Variants in TMEM117 observed in about 807,000 individuals in gnomAD.
TMEM117 encodes transmembrane protein 117.
A neutral mutation model predicts 52.4 loss-of-function variants in TMEM117; 27 were observed. The observed-to-expected ratio is 0.51, with a 90% CI of 0.38 to 0.71. The LOEUF (loss-of-function observed/expected upper bound fraction) is 0.71. Ranked by LOEUF, TMEM117 falls within the 30% of genes least tolerant of loss-of-function variation. TMEM117 has a pLI of 0.00. For missense variants in TMEM117, 556 were observed against 630.5 expected (o/e 0.88, Z 1.26); for synonymous variants, 215 against 206.3 (o/e 1.04, Z -0.36).
At position 44,362,741 on chromosome 12, in the gene TMEM117, G is replaced by T. The variant is rs144009195; in HGVS notation, c.769-13854G>T. ...AAGAGAAGTGACAAGGACTAAACCA[G>T]AAGAGCAATCTGAAGACTTTATCTC... On this transcript the variant is annotated intron_variant, in intron 6 of 7. Transcript: ENST00000266534. Among the ~76,000 whole-genome samples, 11 of 152,062 alleles carry T rather than the reference G, an allele frequency of 7.2e-5. No individual in the cohort carries two copies. In the East Asian group the frequency reaches 1.5e-3, roughly 21 times the overall value.
intron 4 of TMEM117, among the ~76,000 whole-genome samples, chr12:44,200,839 A>T (rs888063203): frequency 6.6e-6 from 1 of 152,128 alleles, no homozygotes; most frequent in Non-Finnish European, 1.5e-5. Flanking sequence ...ATGCGGGTAG[A>T]GTGTGCTGGC....
Position 43,844,750 on chromosome 12 carries a change from C to T in TMEM117, c.99C>T (p.Asp33=). 6.2e-7 allele frequency: 1 copy of T among 1,614,108 alleles called. No individual in the cohort carries two copies. The highest frequency in any genetic ancestry group is 8.5e-7 in the Non-Finnish European group (1 of 1,180,030). The change falls in exon 2 of 8, where the codon GAC becomes GAT. Residue 33 remains aspartate, a synonymous_variant. Transcript: ENST00000266534. ...TTAACTTCTTAATATTTGCGGAGGA[C>T]CCAGTTTCTCATAGCCAAACAGAAG... ...IFFNFLIFAE[D]PVSHSQTEAN... is the part of the protein sequence containing the mutation.
intron 3 of TMEM117, among the ~76,000 whole-genome samples, chr12:44,032,553 T>A (rs1245455389): frequency 6.6e-6 from 1 of 152,238 alleles, no homozygotes; most frequent in Non-Finnish European, 1.5e-5. Flanking sequence ...GTCCAATTCA[T>A]GGAAAGCCTT....
chr12:43,834,212 C>G (rs916597819), upstream of TMEM117, among the ~76,000 whole-genome samples: 1 of 152,118 alleles, frequency 6.6e-6, no homozygotes, highest in African/African-American at 2.4e-5. Context: ...AATGGAGATA[C>G]AAGGAAAATA....
At chr12:43,799,432 G>C in the TMEM117 span, 7 of 1,609,798 alleles carry the variant, frequency 4.3e-6, no homozygotes. Flanking sequence ...TTCTTCCTCA[G>C]CTGCAGTCAG....
chr12:44,120,955 G>A (rs1174637143), intron 3 of TMEM117, among the ~76,000 whole-genome samples: 3 of 152,150 alleles, frequency 2.0e-5, no homozygotes, highest in Non-Finnish European at 2.9e-5. Flanking sequence ...CCAAGACTGG[G>A]CAATTTACAA....
intron 2 of TMEM117, among the ~76,000 whole-genome samples, chr12:43,931,985 C>T (rs1045448531): frequency 1.2e-4 from 18 of 152,062 alleles, no homozygotes; most frequent in African/African-American, 4.3e-4. Context: ...TTTAAGTTTG[C>T]TTACTGGTAC....
At chr12:44,297,699 A>G (rs959438560) in intron 5 of TMEM117, among the ~76,000 whole-genome samples, 2 of 152,220 alleles carry the variant, frequency 1.3e-5, no homozygotes, top group African/African-American at 2.4e-5. Context: ...CAAGGTTGCT[A>G]TATTCCTTCT....
intron 3 of TMEM117, among the ~76,000 whole-genome samples, chr12:44,050,272 G>A (rs1946949245): frequency 6.6e-6 from 1 of 152,262 alleles, no homozygotes; most frequent in South Asian, 2.1e-4. Context: ...TGCCTCCTGG[G>A]CTTAAGTGAT....
In TMEM117 at chr12:44,164,340, T is replaced by C. The variant is rs138553136; in HGVS notation, c.510+20716T>C. On this transcript the variant is annotated intron_variant, in intron 4 of 7. Coordinates refer to ENST00000266534, the MANE Select transcript of TMEM117 (RefSeq NM_032256.3). ...AGTGTACACTGTACCCAATATGTAG[T>C]CTTTTATCCATCACCACCATCCCAC... Among the ~76,000 whole-genome samples the C allele has an allele frequency of 2.9e-3, 447 of 152,230 alleles. 5 individuals carry two copies. The highest frequency in any genetic ancestry group is 0.023 in the Admixed American group (351 of 15,266).
At chr12:43,918,092 C>G (rs1185755362) in intron 2 of TMEM117, among the ~76,000 whole-genome samples, 6 of 152,186 alleles carry the variant, frequency 3.9e-5, no homozygotes, top group Non-Finnish European at 8.8e-5. Flanking sequence ...TGGAACATAA[C>G]TGTCAGACAC....
intron 4 of TMEM117, among the ~76,000 whole-genome samples, chr12:44,205,743 TAAAAAGAAAAAAAATGACAGATGCCAGC>T (rs1949556667): frequency 6.6e-6 from 1 of 152,084 alleles, no homozygotes; most frequent in Non-Finnish European, 1.5e-5. Flanking sequence ...GAATGGCTAT[TAAAAAGAAAAAAAATGACAGATGCCAGC>T]TGGGCTGCAG....
intron 5 of TMEM117, among the ~76,000 whole-genome samples, chr12:44,295,114 C>A (rs1048358755): frequency 2.0e-5 from 3 of 152,012 alleles, no homozygotes; most frequent in African/African-American, 7.2e-5. Flanking sequence ...TTCTTTCTTT[C>A]TCTCTTCTCC....
At chr12:43,912,982 CA>C (rs1158631426) in intron 2 of TMEM117, among the ~76,000 whole-genome samples, 10 of 152,020 alleles carry the variant, frequency 6.6e-5, no homozygotes, top group Non-Finnish European at 4.4e-5. Context: ...AGGAAAAGTT[CA>C]AAAAAATATT....
intron 2 of TMEM117, among the ~76,000 whole-genome samples, chr12:43,877,887 CAA>C (rs745643933): frequency 6.8e-4 from 78 of 114,526 alleles, no homozygotes; most frequent in African/African-American, 2.6e-3. Flanking sequence ...TTTGTAAAAA[CAA>C]AACACACACA....
At chr12:43,983,016 C>T (rs1945786445) in intron 3 of TMEM117, among the ~76,000 whole-genome samples, 1 of 152,156 alleles carries the variant, frequency 6.6e-6, no homozygotes, top group African/African-American at 2.4e-5. Flanking sequence ...TCATAAACCA[C>T]CTCAATGTTT....
At chr12:44,226,645 G>A (rs1949865410) in intron 5 of TMEM117, among the ~76,000 whole-genome samples, 1 of 152,046 alleles carries the variant, frequency 6.6e-6, no homozygotes, top group South Asian at 2.1e-4. Flanking sequence ...AGGTGATAAG[G>A]TAAAATGAAG....
At chr12:43,869,301 A>G (rs1943664383) in intron 2 of TMEM117, among the ~76,000 whole-genome samples, 1 of 152,178 alleles carries the variant, frequency 6.6e-6, no homozygotes, top group Admixed American at 6.5e-5. Context: ...AGGGAGAGTC[A>G]AGGCTTCACT....
intron 2 of TMEM117, among the ~76,000 whole-genome samples, chr12:43,890,819 T>G (rs960869094): frequency 3.3e-5 from 5 of 152,092 alleles, no homozygotes; most frequent in Admixed American, 3.3e-4. Context: ...TGTGAGCCAC[T>G]GCGCCCAGCC....
Sources: allele counts gnomAD v4.1 joint callset (sites outside exome capture counted in the v4.1 genomes callset), GRCh38; gene constraint gnomAD v4.1.1; transcripts MANE v1.5; gene names NCBI Gene and HGNC (gene_info 2026-07-23, HGNC 2026-07-21).